The following XIRP2 variants were observed in gnomAD, a reference collection of about 807,000 sequenced individuals.
XIRP2 encodes the protein xin actin binding repeat containing 2.
A neutral mutation model predicts 277.0 loss-of-function variants in XIRP2; 236 were observed. That is an observed-to-expected ratio of 0.85 (90% CI 0.77 to 0.95). XIRP2 has a LOEUF of 0.95. XIRP2 is among the 40% of genes least tolerant of loss of function. The pLI is 0.00. For missense variants in XIRP2, 4,640 were observed against 4,157.5 expected (o/e 1.12, Z -3.19); for synonymous variants, 1,490 against 1,416.5 (o/e 1.05, Z -1.17).
intron 2 of XIRP2, among the ~76,000 whole-genome samples, chr2:166,988,576 G>A (rs1687078857): frequency 7.2e-6 from 1 of 138,036 alleles, no homozygotes; most frequent in African/African-American, 2.8e-5. Context: ...ACTAGGGAGT[G>A]CCAGACAGTG....
chr2:167,017,695 T>C (rs1687869117), intron 2 of XIRP2, among the ~76,000 whole-genome samples: 1 of 151,896 alleles, frequency 6.6e-6, no homozygotes, highest in African/African-American at 2.4e-5. Context: ...GAAGTCTTAT[T>C]GGGGATAAAA....
chr2:167,022,451 A>T (rs940205367), intron 2 of XIRP2, among the ~76,000 whole-genome samples: 2 of 151,846 alleles, frequency 1.3e-5, no homozygotes, highest in African/African-American at 4.8e-5. Flanking sequence ...CATTTTTTTA[A>T]TTTTATTATT....
intron 2 of XIRP2, among the ~76,000 whole-genome samples, chr2:166,979,100 C>CAGTTTTTATT (rs1381355562): frequency 6.6e-6 from 1 of 152,134 alleles, no homozygotes; most frequent in East Asian, 1.9e-4. Context: ...CACCTACTGT[C>CAGTTTTTATT]AGTTTTTATT....
chr2:166,938,012 T>C (rs1012792134), intron 2 of XIRP2, among the ~76,000 whole-genome samples: 4 of 152,202 alleles, frequency 2.6e-5, no homozygotes, highest in Non-Finnish European at 4.4e-5. Context: ...TTGCTAGTGG[T>C]CTATCAATTT....
chr2:166,989,261 C>G (rs1442730617), intron 2 of XIRP2, among the ~76,000 whole-genome samples: 1 of 69,622 alleles, frequency 1.4e-5, no homozygotes, highest in Non-Finnish European at 2.4e-5. Flanking sequence ...AGCTGAGGGT[C>G]CTGTCTGTTA....
chr2:166,925,917 T>G (rs1175158948), intron 2 of XIRP2, among the ~76,000 whole-genome samples: 1 of 151,540 alleles, frequency 6.6e-6, no homozygotes, highest in East Asian at 2.0e-4. Flanking sequence ...AAAATAAAAA[T>G]TTAAAAAATA....
intron 2 of XIRP2, among the ~76,000 whole-genome samples, chr2:167,021,276 T>C (rs998570051): frequency 6.6e-6 from 1 of 152,140 alleles, no homozygotes; most frequent in Non-Finnish European, 1.5e-5. Context: ...TTATTCTTTA[T>C]TGCTCTATTT....
chr2:166,950,262 T>G (rs1391183588), intron 2 of XIRP2, among the ~76,000 whole-genome samples: 1 of 152,080 alleles, frequency 6.6e-6, no homozygotes, highest in Non-Finnish European at 1.5e-5. Context: ...CCTCCCTGGT[T>G]GTTTTGCTAT....
rs537989372 is a variant in XIRP2 at position 167,111,539 on chromosome 2, G to T, written c.409-24370G>T. Among the ~76,000 whole-genome samples, 5 of 152,134 alleles carry T rather than the reference G, an allele frequency of 3.3e-5. No individual in the cohort carries two copies. In the East Asian group the frequency reaches 9.7e-4, roughly 29 times the overall value. ...GTCATAAACTCTATTTGATCATGTT[G>T]GATTAGCTTTTTAATATGCTGCTGG... On this transcript the variant is annotated intron_variant, in intron 2 of 10. Transcript: ENST00000409195.
chr2:166,932,140 T>C (rs1248566647), intron 2 of XIRP2, among the ~76,000 whole-genome samples: 1 of 152,156 alleles, frequency 6.6e-6, no homozygotes, highest in Non-Finnish European at 1.5e-5. Context: ...GGTATATAGA[T>C]GCTAGATATG....
chr2:166,998,506 A>T (rs1687283331), intron 2 of XIRP2, among the ~76,000 whole-genome samples: 1 of 151,908 alleles, frequency 6.6e-6, no homozygotes, highest in Admixed American at 6.6e-5. Context: ...GGGTGGTGGC[A>T]GGTGCCTGTA....
In XIRP2 at chr2:166,985,629, A is replaced by C. The variant is rs147018111; in HGVS notation, c.408+81739A>C. On this transcript the variant is annotated intron_variant, in intron 2 of 10. Transcript: ENST00000409195. ...GTATTTTTAGTAGAGACAGGGTTTC[A>C]CCGTATTAGCCAGGATGGTCTTGAT... is the stretch of plus-strand genomic sequence containing the variant. Among the ~76,000 whole-genome samples, 482 of 152,042 alleles carry C rather than the reference A, an allele frequency of 3.2e-3. 3 individuals carry two copies. The highest frequency in any genetic ancestry group is 0.011 in the African/African-American group (458 of 41,482).
chr2:167,214,858 C>T (rs1694197518), intron 4 of XIRP2, among the ~76,000 whole-genome samples: 1 of 152,148 alleles, frequency 6.6e-6, no homozygotes, highest in African/African-American at 2.4e-5. Flanking sequence ...TGAGACACCA[C>T]ACCAGGCTGG....
At chr2:166,953,198 C>T (rs1240538818) in intron 2 of XIRP2, among the ~76,000 whole-genome samples, 1 of 151,738 alleles carries the variant, frequency 6.6e-6, no homozygotes, top group East Asian at 1.9e-4. Context: ...CTTGTAGAGC[C>T]CAGGATACCA....
intron 2 of XIRP2, among the ~76,000 whole-genome samples, chr2:167,071,232 G>T (rs551770001): frequency 6.6e-6 from 1 of 152,192 alleles, no homozygotes; most frequent in South Asian, 2.1e-4. Context: ...TTTTAAACTG[G>T]GTTGGTTAAA....
At chr2:166,931,201 T>TG (rs1685326727) in intron 2 of XIRP2, among the ~76,000 whole-genome samples, 2 of 152,196 alleles carry the variant, frequency 1.3e-5, no homozygotes, top group Admixed American at 6.5e-5. Context: ...CCCTCGTACT[T>TG]GCAATTGTAA....
chr2:167,120,876 C>A (rs574969080), intron 2 of XIRP2, among the ~76,000 whole-genome samples: 1 of 152,262 alleles, frequency 6.6e-6, no homozygotes, highest in South Asian at 2.1e-4. Flanking sequence ...TGAAGTCTCT[C>A]TTTGAATGTA....
chr2:167,147,661 G>A (rs1691898575), intron 3 of XIRP2, among the ~76,000 whole-genome samples: 1 of 152,148 alleles, frequency 6.6e-6, no homozygotes, highest in African/African-American at 2.4e-5. Context: ...ACCGTTTATA[G>A]AACTTTCCTG....
chr2:167,214,168 GAAA>G, intron 4 of XIRP2, among the ~76,000 whole-genome samples: 1 of 98,734 alleles, frequency 1.0e-5, no homozygotes. Context: ...GAAAGAAAGA[GAAA>G]GAAGGAAGGA....
Sources: allele counts gnomAD v4.1 joint callset (sites outside exome capture counted in the v4.1 genomes callset), GRCh38; gene constraint gnomAD v4.1.1; transcripts MANE v1.5; gene names NCBI Gene and HGNC (gene_info 2026-07-23, HGNC 2026-07-21).